SLC1A2: variants seen among roughly 807,000 people sequenced by gnomAD.
SLC1A2 encodes solute carrier family 1 member 2.
SLC1A2 carries 15 observed loss-of-function variants against 48.8 expected under a neutral mutation model. That is an observed-to-expected ratio of 0.31 (90% CI 0.21 to 0.47). The LOEUF (loss-of-function observed/expected upper bound fraction) is 0.47, where lower values mean the gene tolerates loss of function less well. Ranked by LOEUF, SLC1A2 falls within the 20% of genes least tolerant of loss-of-function variation. The pLI is 0.99. For missense variants in SLC1A2, 502 were observed against 730.5 expected (o/e 0.69, Z 3.61); for synonymous variants, 279 against 272.6 (o/e 1.02, Z -0.23).
At chr11:35,280,575 A>G (rs977797500) in intron 9 of SLC1A2, 11 of 360,128 alleles carry the variant, frequency 3.1e-5, no homozygotes, top group African/African-American at 2.3e-4. Flanking sequence ...ATTCAATATA[A>G]TGTTCTGAGA....
At chr11:35,293,328 A>G (rs1010740411) in intron 6 of SLC1A2, among the ~76,000 whole-genome samples, 13 of 152,368 alleles carry the variant, frequency 8.5e-5, no homozygotes, top group East Asian at 7.7e-4. Context: ...GATTTTCCCA[A>G]CCAAGACAAG....
At chr11:35,379,892 G>A (rs1854367234) in intron 1 of SLC1A2, among the ~76,000 whole-genome samples, 1 of 152,106 alleles carries the variant, frequency 6.6e-6, no homozygotes, top group Non-Finnish European at 1.5e-5. Context: ...TAGAAGCTAT[G>A]GCCATTTTAA....
In SLC1A2 at chr11:35,311,887, AGAGAGGGAGG is replaced by A. The variant is rs1244295476; in HGVS notation, c.561+301_561+310del. Reference sequence around the variant, plus strand: ...TAGATATAAGGAGAGAGAGAGAGAGAGAGAGGGAGGGAGAGAGAGAGAGAGAGAGAGAGAG... The same window carrying A: ...TAGATATAAGGAGAGAGAGAGAGAGAGAGAGAGAGAGAGAGAGAGAGAGAG... On this transcript the variant is annotated intron_variant, in intron 4 of 10. Coordinates refer to ENST00000278379, the MANE Select transcript of SLC1A2 (RefSeq NM_004171.4). 1.9e-4 allele frequency among the ~76,000 whole-genome samples: 11 copies of A among 59,406 alleles called. No individual in the cohort carries two copies. The East Asian group carries it at 7.9e-3, about 43-fold the overall frequency. 39.0% of individuals were successfully genotyped at this position (59,406 alleles called of 152,430 possible).
At chr11:35,282,116 C>T (rs904068480) in intron 8 of SLC1A2, among the ~76,000 whole-genome samples, 1 of 151,950 alleles carries the variant, frequency 6.6e-6, no homozygotes, top group African/African-American at 2.4e-5. Flanking sequence ...CTGTTTTTTC[C>T]CCTATTGCCA....
intron 1 of SLC1A2, among the ~76,000 whole-genome samples, chr11:35,407,913 T>A (rs56281631): frequency 6.6e-6 from 1 of 152,202 alleles, no homozygotes. Flanking sequence ...CTCCCTTACA[T>A]CTGTAATACA....
intron 7 of SLC1A2, among the ~76,000 whole-genome samples, chr11:35,288,449 C>T (rs1850895546): frequency 6.6e-6 from 1 of 152,158 alleles, no homozygotes; most frequent in Non-Finnish European, 1.5e-5. Context: ...AATGAGAAGT[C>T]AGTGTCCCTT....
Position 35,286,791 on chromosome 11 carries a change from C to T in SLC1A2, c.1252G>A (p.Val418Ile), listed in dbSNP as rs760990712. 2 of 1,613,712 alleles carry T rather than the reference C, an allele frequency of 1.2e-6. No homozygotes were observed. Among genetic ancestry groups the T allele is most frequent in the Non-Finnish European group, 1.7e-6 (2 of 1,179,754 alleles). The change falls in exon 8 of 11, where the codon GTT (valine) becomes ATT (isoleucine). Residue 418 changes from valine to isoleucine, a missense_variant. Physicochemically the swap from Val to Ile is conservative, Grantham distance 29. Transcript: ENST00000278379. ...AAIFIAQMNG[V>I]VLDGGQIVTV... ...ACAATCTGTCCTCCATCCAGGACAACACCATTCATTTGGGCTATAAAGATG... is the reference window on the plus strand; with the variant it reads ...ACAATCTGTCCTCCATCCAGGACAATACCATTCATTTGGGCTATAAAGATG...
In SLC1A2 at chr11:35,267,682, A is replaced by G. The variant is rs1276473323; in HGVS notation, c.1422-1924T>C. 2.6e-5 allele frequency among the ~76,000 whole-genome samples: 4 copies of G among 152,208 alleles called. No homozygotes were observed. In the South Asian group the frequency reaches 6.2e-4, roughly 24 times the overall value. ...TGGTCTACTTTGGAGCTACTCCACT[A>G]TACTTTCAATCCCTCCTGGAATGTA... On this transcript the variant is annotated intron_variant, in intron 9 of 10. Coordinates refer to ENST00000278379, the MANE Select transcript of SLC1A2 (RefSeq NM_004171.4).
intron 7 of SLC1A2, among the ~76,000 whole-genome samples, chr11:35,287,729 T>C (rs898077914): frequency 2.6e-5 from 4 of 152,200 alleles, no homozygotes; most frequent in African/African-American, 9.7e-5. Context: ...TCCTGACACG[T>C]TCATATGTCT....
intron 9 of SLC1A2, among the ~76,000 whole-genome samples, chr11:35,273,890 G>A (rs529599015): frequency 2.9e-4 from 44 of 152,318 alleles, no homozygotes; most frequent in African/African-American, 6.7e-4. Context: ...AGATATTTTC[G>A]TGGTAAAAAG....
At chr11:35,399,268 C>T (rs1391894908) in intron 1 of SLC1A2, among the ~76,000 whole-genome samples, 1 of 152,108 alleles carries the variant, frequency 6.6e-6, no homozygotes, top group Non-Finnish European at 1.5e-5. Flanking sequence ...TTGGTCTTCA[C>T]CAACACTTAG....
intron 1 of SLC1A2, among the ~76,000 whole-genome samples, chr11:35,398,759 G>A (rs909335332): frequency 1.1e-4 from 17 of 152,286 alleles, no homozygotes; most frequent in African/African-American, 3.9e-4. Flanking sequence ...CCATTCATAG[G>A]ATACAAAGCC....
chr11:35,383,795 T>G (rs772332553), intron 1 of SLC1A2, among the ~76,000 whole-genome samples: 10 of 152,224 alleles, frequency 6.6e-5, no homozygotes, highest in Non-Finnish European at 1.2e-4. Context: ...TGGCTTACAG[T>G]AGATGCTTGA....
At chr11:35,413,450 A>T (rs1277076369) in intron 1 of SLC1A2, among the ~76,000 whole-genome samples, 1 of 152,228 alleles carries the variant, frequency 6.6e-6, no homozygotes, top group Non-Finnish European at 1.5e-5. Flanking sequence ...GGATTAAATA[A>T]ATTGATACAC....
intron 1 of SLC1A2, among the ~76,000 whole-genome samples, chr11:35,370,208 C>G (rs573865774): frequency 6.6e-6 from 1 of 152,312 alleles, no homozygotes; most frequent in Admixed American, 6.5e-5. Context: ...TTACTTGCCC[C>G]ATTCTTCAGT....
intron 9 of SLC1A2, among the ~76,000 whole-genome samples, chr11:35,278,811 G>A (rs910717519): frequency 6.6e-6 from 1 of 151,994 alleles, no homozygotes; most frequent in Non-Finnish European, 1.5e-5. Flanking sequence ...TTGAGGTCAG[G>A]AGTTTGAGAC....
At chr11:35,345,017 T>G (rs1217228086) in intron 1 of SLC1A2, among the ~76,000 whole-genome samples, 1 of 152,046 alleles carries the variant, frequency 6.6e-6, no homozygotes, top group Non-Finnish European at 1.5e-5. Flanking sequence ...AACTGAGAAA[T>G]ATTTTTGGTT....
chr11:35,350,515 C>G (rs147225763), intron 1 of SLC1A2, among the ~76,000 whole-genome samples: 437 of 152,300 alleles, frequency 2.9e-3, no homozygotes, highest in African/African-American at 9.8e-3. Context: ...GGTCATATAA[C>G]TAATAACATG....
At chr11:35,263,646 C>T (rs1352824915) in intron 10 of SLC1A2, among the ~76,000 whole-genome samples, 1 of 152,084 alleles carries the variant, frequency 6.6e-6, no homozygotes, top group Non-Finnish European at 1.5e-5. Context: ...CAGTTAACCA[C>T]TAGGATTCTT....
Sources: allele counts gnomAD v4.1 joint callset (sites outside exome capture counted in the v4.1 genomes callset), GRCh38; gene constraint gnomAD v4.1.1; transcripts MANE v1.5; gene names NCBI Gene and HGNC (gene_info 2026-07-23, HGNC 2026-07-21).